The following NSF variants were observed in gnomAD, a reference collection of about 807,000 sequenced individuals.
NSF encodes the protein vesicle-fusing ATPase.
Under a neutral mutation model 50.3 loss-of-function variants are expected in NSF, and 14 were observed. The ratio of observed to expected loss-of-function variants is 0.28; its 90% CI spans 0.18 to 0.44. The LOEUF (loss-of-function observed/expected upper bound fraction) is 0.44. Among genes scored for constraint, NSF ranks in the 20% least tolerant of loss-of-function variants. The probability of loss-of-function intolerance (pLI) is 1.00; values close to 1 mark genes in which losing one functional copy is unlikely to be tolerated. For missense variants in NSF, 218 were observed against 504.3 expected (o/e 0.43, Z 5.44); for synonymous variants, 109 against 175.7 (o/e 0.62, Z 3.00).
At chr17:46,733,758 AC>A (rs1285187703) in intron 17 of NSF, among the ~76,000 whole-genome samples, 2 of 152,198 alleles carry the variant, frequency 1.3e-5, no homozygotes, top group African/African-American at 4.8e-5. Flanking sequence ...CTCTTTGGAA[AC>A]TTTAAACTTT....
chr17:46,726,847 C>T (rs2058894580), intron 16 of NSF, among the ~76,000 whole-genome samples: 1 of 152,012 alleles, frequency 6.6e-6, no homozygotes. Context: ...TTGTAAGGGC[C>T]CATGTCTCAT....
At chr17:46,595,613 T>C (rs2057863135) in intron 1 of NSF, among the ~76,000 whole-genome samples, 1 of 130,134 alleles carries the variant, frequency 7.7e-6, no homozygotes, top group Non-Finnish European at 1.5e-5. Flanking sequence ...CGCCTCAGCC[T>C]CCTGAGTAGC....
chr17:46,722,015 G>C (rs879140747), intron 15 of NSF: 2 of 1,608,842 alleles, frequency 1.2e-6, no homozygotes, highest in African/African-American at 1.3e-5. Flanking sequence ...ACCAACTTCA[G>C]TTTCCTTGGC....
chr17:46,753,955 A>G (rs1012364865), intron 19 of NSF, among the ~76,000 whole-genome samples: 5 of 152,222 alleles, frequency 3.3e-5, no homozygotes, highest in Non-Finnish European at 7.3e-5. Flanking sequence ...ACTTGCACAG[A>G]GCTGAGGATC....
intron 17 of NSF, among the ~76,000 whole-genome samples, chr17:46,731,023 G>A (rs749321129): frequency 6.6e-6 from 1 of 152,054 alleles, no homozygotes; most frequent in Non-Finnish European, 1.5e-5. Flanking sequence ...ATTCCACCAA[G>A]TATACACCTA....
Position 46,719,183 on chromosome 17 carries a change from T to C in NSF, c.1761+5197T>C, listed in dbSNP as rs112341481. 1.3e-5 allele frequency among the ~76,000 whole-genome samples: 2 copies of C among 152,308 alleles called. No individual in the cohort carries two copies. Among genetic ancestry groups the C allele is most frequent in the African/African-American group, 4.8e-5 (2 of 41,572 alleles). ...AATGACTAAATGCTCAAATTTAAGA[T>C]TTTTCAAAATGTTTTGCAATGACAA... On this transcript the variant is annotated intron_variant, in intron 15 of 20. Coordinates refer to ENST00000398238, the MANE Select transcript of NSF (RefSeq NM_006178.4). This position sits in a 1 kb window ranked among gnomAD's most constrained non-coding sequence, Gnocchi z 4.3.
At chr17:46,716,903 G>GT (rs1259949539) in intron 15 of NSF, among the ~76,000 whole-genome samples, 4 of 152,124 alleles carry the variant, frequency 2.6e-5, no homozygotes, top group African/African-American at 4.8e-5. Flanking sequence ...TTTTTTCAGT[G>GT]TAACTAAAGC....
At chr17:46,736,363 C>T (rs1180077524) in intron 17 of NSF, among the ~76,000 whole-genome samples, 1 of 152,172 alleles carries the variant, frequency 6.6e-6, no homozygotes, top group Non-Finnish European at 1.5e-5. Flanking sequence ...TTTCTCCTAA[C>T]TCATGGTGCA....
chr17:46,602,782 T>C (rs891855725), intron 1 of NSF, among the ~76,000 whole-genome samples: 9 of 146,782 alleles, frequency 6.1e-5, no homozygotes, highest in East Asian at 5.9e-4. Flanking sequence ...AGAATAATAT[T>C]GATATAATTT....
At chr17:46,728,760 T>G in intron 16 of NSF, 95 bp from the exon 17 acceptor site, 1 of 823,742 alleles carries the variant, frequency 1.2e-6, no homozygotes. Context: ...AGGGACTGTG[T>G]TTACTTTTGA....
intron 2 of NSF, among the ~76,000 whole-genome samples, chr17:46,625,955 C>T (rs1418963363): frequency 1.4e-5 from 2 of 139,090 alleles, no homozygotes; most frequent in African/African-American, 2.8e-5. Flanking sequence ...ACACATAGTA[C>T]TTTTTAGTTA....
At chr17:46,726,818 A>G (rs1227713668) in intron 16 of NSF, among the ~76,000 whole-genome samples, 1 of 152,168 alleles carries the variant, frequency 6.6e-6, no homozygotes, top group African/African-American at 2.4e-5. Flanking sequence ...TGACTATAAC[A>G]CCATTATAAA....
chr17:46,734,248 G>T (rs768332813), intron 17 of NSF, among the ~76,000 whole-genome samples: 2 of 152,166 alleles, frequency 1.3e-5, no homozygotes, highest in Non-Finnish European at 2.9e-5. Flanking sequence ...CCATCTATTT[G>T]TTCAAAATTA....
intron 19 of NSF, among the ~76,000 whole-genome samples, chr17:46,754,862 T>C (rs567254970): frequency 6.7e-4 from 102 of 152,336 alleles, no homozygotes; most frequent in African/African-American, 2.3e-3. Flanking sequence ...AGCTACATGG[T>C]TGGTTATGTA....
intron 15 of NSF, among the ~76,000 whole-genome samples, chr17:46,726,269 G>A (rs1182308631): frequency 6.6e-6 from 1 of 152,190 alleles, no homozygotes; most frequent in Non-Finnish European, 1.5e-5. Context: ...AGATACCAGA[G>A]ACCAGTGTGA....
intron 15 of NSF, chr17:46,721,749 C>A: frequency 6.2e-7 from 1 of 1,604,896 alleles, no homozygotes. Flanking sequence ...CTCTTGCCCA[C>A]AATTTCGCTT....
intron 19 of NSF, among the ~76,000 whole-genome samples, chr17:46,753,505 C>T (rs1165332517): frequency 6.6e-6 from 1 of 152,008 alleles, no homozygotes; most frequent in Non-Finnish European, 1.5e-5. Flanking sequence ...TTTGTTTAGA[C>T]TTATTCTTGG....
chr17:46,728,159 C>A (rs1286339995), intron 16 of NSF, among the ~76,000 whole-genome samples: 1 of 152,118 alleles, frequency 6.6e-6, no homozygotes. Flanking sequence ...GGCATTTACG[C>A]TGAATCTTGA....
At chr17:46,728,991 A>G in intron 17 of NSF, 57 bp downstream of exon 17, 2 of 1,045,380 alleles carry the variant, frequency 1.9e-6, no homozygotes, top group Non-Finnish European at 2.9e-6. Context: ...AGTAAATCGC[A>G]TATAATGATA....
Sources: allele counts gnomAD v4.1 joint callset (sites outside exome capture counted in the v4.1 genomes callset), GRCh38; gene constraint gnomAD v4.1.1; non-coding constraint Gnocchi (gnomAD v3.1); transcripts MANE v1.5; gene names NCBI Gene and HGNC (gene_info 2026-07-23, HGNC 2026-07-21).